The following SOX5 variants were observed in gnomAD, a reference collection of about 807,000 sequenced individuals.
The protein encoded by SOX5 is transcription factor SOX-5.
In SOX5, 9 loss-of-function variants were observed where a neutral mutation model predicts 92.0. That is an observed-to-expected ratio of 0.10 (90% CI 0.06 to 0.17). The LOEUF is 0.17. Ranked by LOEUF, SOX5 falls within the 10% of genes least tolerant of loss-of-function variation. The probability of loss-of-function intolerance (pLI) is 1.00; values close to 1 mark genes in which losing one functional copy is unlikely to be tolerated. For synonymous variants in SOX5, 344 were observed against 336.3 expected (o/e 1.02, Z -0.25); for missense variants, 642 against 944.5 (o/e 0.68, Z 4.20).
At chr12:23,792,128 C>A (rs867991888) in intron 3 of SOX5, among the ~76,000 whole-genome samples, 1 of 151,646 alleles carries the variant, frequency 6.6e-6, no homozygotes, top group South Asian at 2.1e-4. Context: ...CAAACGTGTA[C>A]ACAACTATAT....
intron 2 of SOX5, chr12:24,367,975 C>A (rs1238262050): frequency 6.6e-6 from 1 of 152,118 alleles, no homozygotes; most frequent in Non-Finnish European, 1.5e-5. Context: ...CTCAAGGCAT[C>A]CTGCATGGTT....
chr12:23,850,917 T>C (rs1398435453), intron 2 of SOX5, among the ~76,000 whole-genome samples: 3 of 152,162 alleles, frequency 2.0e-5, no homozygotes, highest in African/African-American at 7.2e-5. Flanking sequence ...ATGTTCATAG[T>C]TCCAGTTATG....
chr12:24,176,580 T>A (rs1954835967), intron 4 of SOX5, among the ~76,000 whole-genome samples: 1 of 152,224 alleles, frequency 6.6e-6, no homozygotes, highest in African/African-American at 2.4e-5. Context: ...ACAATGTGAT[T>A]GTATGGCTGG....
chr12:24,197,728 A>G (rs142652553), intron 4 of SOX5, among the ~76,000 whole-genome samples: 1 of 152,246 alleles, frequency 6.6e-6, no homozygotes, highest in East Asian at 1.9e-4. Flanking sequence ...TAGCATGAAG[A>G]TGTGCCCCCA....
chr12:23,977,745 A>T (rs1416851981), intron 4 of SOX5, among the ~76,000 whole-genome samples: 1 of 151,874 alleles, frequency 6.6e-6, no homozygotes, highest in Non-Finnish European at 1.5e-5. Context: ...TTTATCTAAG[A>T]CACCCTTGTA....
In SOX5 at chr12:23,607,792, C is replaced by T. The variant is rs185788392; in HGVS notation, c.1018-3259G>A. On this transcript the variant is annotated intron_variant, in intron 8 of 14. Transcript: ENST00000451604. ...ACTATACAATCCACTTATGTTTGTA[C>T]GTATGTATGCCTGTATGTCTTAAAG... 1.1e-3 allele frequency among the ~76,000 whole-genome samples: 166 copies of T among 152,138 alleles called. 2 individuals carry two copies. The highest frequency in any genetic ancestry group is 0.011 in the Admixed American group (162 of 15,268).
At chr12:23,994,454 T>TAGATAC in intron 4 of SOX5, among the ~76,000 whole-genome samples, 1 of 152,204 alleles carries the variant, frequency 6.6e-6, no homozygotes, top group East Asian at 1.9e-4. Flanking sequence ...TAGGTATATA[T>TAGATAC]AGATACAGAT....
intron 2 of SOX5, among the ~76,000 whole-genome samples, chr12:23,869,301 T>G (rs895766465): frequency 1.3e-5 from 2 of 152,190 alleles, no homozygotes; most frequent in Admixed American, 1.3e-4. Context: ...GGTTATATGC[T>G]ACATAATTTT....
intron 11 of SOX5, among the ~76,000 whole-genome samples, chr12:23,560,415 T>C (rs1946005239): frequency 6.6e-6 from 1 of 152,214 alleles, no homozygotes; most frequent in South Asian, 2.1e-4. Context: ...AATAAAAAGA[T>C]AAGTATTAGA....
At chr12:23,985,200 C>A (rs563746899) in intron 4 of SOX5, among the ~76,000 whole-genome samples, 14 of 151,744 alleles carry the variant, frequency 9.2e-5, no homozygotes, top group Admixed American at 2.6e-4. Flanking sequence ...TTGGGGAGAT[C>A]AAGATGATTA....
At chr12:24,547,728 G>A (rs530628400) in intron 1 of SOX5, among the ~76,000 whole-genome samples, 1 of 151,954 alleles carries the variant, frequency 6.6e-6, no homozygotes, top group East Asian at 1.9e-4. Flanking sequence ...ACCTCTCTTC[G>A]GTGCTCTCAA....
At chr12:24,560,184 A>G (rs981944062) in intron 1 of SOX5, among the ~76,000 whole-genome samples, 4 of 152,170 alleles carry the variant, frequency 2.6e-5, no homozygotes, top group African/African-American at 9.7e-5. Context: ...GAAAAGGGGG[A>G]AAAAAGAAAG....
intron 1 of SOX5, among the ~76,000 whole-genome samples, chr12:23,942,837 G>A (rs1265862254): frequency 1.3e-5 from 2 of 151,994 alleles, no homozygotes; most frequent in Non-Finnish European, 2.9e-5. Flanking sequence ...AAATATTAAA[G>A]TGGAGCTACA....
intron 1 of SOX5, among the ~76,000 whole-genome samples, chr12:24,430,608 A>T (rs2137047226): frequency 6.6e-6 from 1 of 151,930 alleles, no homozygotes; most frequent in East Asian, 1.9e-4. Flanking sequence ...CCTTACAAAA[A>T]CCCTAGTCCT....
At chr12:23,575,860 G>A in intron 9 of SOX5, 22 bp from the exon 10 acceptor site, 1 of 1,511,832 alleles carries the variant, frequency 6.6e-7, no homozygotes, top group Non-Finnish European at 8.8e-7. Context: ...ATTAGAACAT[G>A]AGCTGTGATA....
intron 4 of SOX5, among the ~76,000 whole-genome samples, chr12:24,210,036 A>C (rs1265537734): frequency 5.3e-5 from 8 of 150,564 alleles, no homozygotes; most frequent in Admixed American, 5.3e-4. Flanking sequence ...AAAAAAAAAA[A>C]AAAAAAAAAA....
At position 24,188,853 on chromosome 12, in the gene SOX5, C is replaced by T. The variant is rs574165380; in HGVS notation, c.-2+24490G>A. Among the ~76,000 whole-genome samples the T allele has an allele frequency of 6.6e-5, 10 of 152,176 alleles. No individual in the cohort carries two copies. The East Asian group carries it at 1.3e-3, about 21-fold the overall frequency. ...GGCAGGAAAATCAGGTGAAATGTAACGAAAATGCTCCAGATGAGATGATGA... is the reference window on the plus strand; with the variant it reads ...GGCAGGAAAATCAGGTGAAATGTAATGAAAATGCTCCAGATGAGATGATGA... On this transcript the variant is annotated intron_variant, in intron 4 of 4. Coordinates refer to the SOX5 transcript ENST00000446891.
chr12:24,396,619 C>T (rs1960054789), intron 1 of SOX5, among the ~76,000 whole-genome samples: 1 of 151,694 alleles, frequency 6.6e-6, no homozygotes, highest in Admixed American at 6.6e-5. Context: ...CTTTTTAAGT[C>T]GTCCATTGAC....
chr12:24,046,672 C>CTTT (rs61416662), intron 4 of SOX5, among the ~76,000 whole-genome samples: 3,598 of 126,710 alleles, frequency 0.028, 105 homozygotes, highest in African/African-American at 0.05. Context: ...TAAAATGTGT[C>CTTT]TTTTTTTTTT....
Sources: allele counts gnomAD v4.1 joint callset (sites outside exome capture counted in the v4.1 genomes callset), GRCh38; gene constraint gnomAD v4.1.1; transcripts MANE v1.5; gene names NCBI Gene and HGNC (gene_info 2026-07-23, HGNC 2026-07-21).